Variants in ST3GAL2 observed in about 807,000 individuals in gnomAD.
The protein encoded by ST3GAL2 is CMP-N-acetylneuraminate-beta-galactosamide-alpha-2,3-sialyltransferase 2.
ST3GAL2 carries 16 observed loss-of-function variants against 37.5 expected under a neutral mutation model. That is an observed-to-expected ratio of 0.43 (90% CI 0.29 to 0.65). The LOEUF (loss-of-function observed/expected upper bound fraction) is 0.65, where lower values mean the gene tolerates loss of function less well. ST3GAL2 is among the 30% of genes least tolerant of loss of function. The pLI is 0.17. For missense variants in ST3GAL2, 383 were observed against 487.8 expected (o/e 0.79, Z 2.02); for synonymous variants, 238 against 202.9 (o/e 1.17, Z -1.47).
chr16:70,434,261 ACC>A (rs901060566), intron 1 of ST3GAL2, among the ~76,000 whole-genome samples: 11 of 151,874 alleles, frequency 7.2e-5, no homozygotes, highest in African/African-American at 2.2e-4. Context: ...ACATGGCAAA[ACC>A]CCGTCTCTAG....
At chr16:70,405,282 C>G (rs1312611990) in intron 1 of ST3GAL2, among the ~76,000 whole-genome samples, 1 of 152,170 alleles carries the variant, frequency 6.6e-6, no homozygotes, top group African/African-American at 2.4e-5. Flanking sequence ...TGGCTCACGC[C>G]TGTAATCCCA....
chr16:70,381,799 G>A lies in ST3GAL2; in HGVS notation c.943C>T (p.Arg315Trp), dbSNP rs772071973. The A allele has an allele frequency of 1.4e-5, 23 of 1,613,968 alleles. No homozygotes were observed. The highest frequency in any genetic ancestry group is 1.9e-5 in the Non-Finnish European group (22 of 1,179,970). The change falls in exon 7 of 7, where the codon CGG becomes TGG. Residue 315 changes from arginine (R) to tryptophan (W), a missense_variant. Arg to Trp is a moderately radical substitution (Grantham distance 101, BLOSUM62 -3). This residue lies in a region of ST3GAL2 where 160 missense variants were observed against 248.6 expected (regional missense o/e 0.64). Coordinates refer to ENST00000342907, the MANE Select transcript of ST3GAL2 (RefSeq NM_006927.4). ...GNWHHYWENNRYAGEFRKTGV... is the reference protein window; with the variant it reads ...GNWHHYWENNWYAGEFRKTGV... ...GTCTTCCGGAACTCGCCCGCGTACC[G>A]GTTGTTCTCCCAGTAGTGGTGCCAG...
Position 70,398,925 on chromosome 16 carries a change from T to G in ST3GAL2, c.-395A>C. On this transcript the variant is annotated 5_prime_UTR_variant, in exon 2 of 7. Transcript: ENST00000342907. ...TTTGGCGGCTTGAAATAATCCAGTCTGGAGCAGTCGGGGTCCTTGTGGTTC... is the reference window on the plus strand; with the variant it reads ...TTTGGCGGCTTGAAATAATCCAGTCGGGAGCAGTCGGGGTCCTTGTGGTTC... 2.2e-6 allele frequency: 1 copy of G among 455,588 alleles called. No homozygotes were observed. The allele number at this position is 455,588 out of a possible 1,614,324, so 28.2% of individuals were successfully genotyped here. A position where few individuals can be genotyped will look rare whatever the true frequency, so the allele number is the denominator to read the frequency against.
intron 2 of ST3GAL2, among the ~76,000 whole-genome samples, chr16:70,395,665 C>CA (rs1006011022): frequency 1.3e-5 from 2 of 152,216 alleles, no homozygotes; most frequent in Non-Finnish European, 2.9e-5. Context: ...TAAATTCTTT[C>CA]AGAGCCAGAA....
intron 1 of ST3GAL2, among the ~76,000 whole-genome samples, chr16:70,408,915 AAAAAAAAAAAAAGAAAG>A (rs1180440435): frequency 1.4e-5 from 2 of 145,808 alleles, no homozygotes; most frequent in African/African-American, 5.2e-5. Context: ...AAAAAAAAAA[AAAAAAAAAAAAAGAAAG>A]AAAAAATAAA....
At chr16:70,396,779 T>G (rs1391158941) in intron 2 of ST3GAL2, among the ~76,000 whole-genome samples, 1 of 151,998 alleles carries the variant, frequency 6.6e-6, no homozygotes, top group Non-Finnish European at 1.5e-5. Context: ...CTGACATGGC[T>G]CCACCCATGA....
chr16:70,381,974 G>A, intron 6 of ST3GAL2, 112 bp from the exon 7 acceptor site: 2 of 1,407,394 alleles, frequency 1.4e-6, no homozygotes, highest in African/African-American at 1.4e-5. Context: ...GGAGATGCAG[G>A]AGCCCCCAGG....
Position 70,398,209 on chromosome 16 carries a change from C to T in ST3GAL2, c.322G>A (p.Val108Ile), listed in dbSNP as rs2047530046. The change falls in exon 2 of 7, where the codon GTC (valine) becomes ATC (isoleucine). Residue 108 changes from valine (V) to isoleucine (I), a missense_variant. By Grantham distance (29) the Val-to-Ile change is conservative. Transcript: ENST00000342907. ...TRENMDLPPD[V>I]QRWWMMLQPQ... ...GCTCTTACCATCCACCACCTCTGGA[C>T]GTCCGGTGGAAGATCCATGTTCTCT... 4 of 1,612,960 alleles carry T rather than the reference C, an allele frequency of 2.5e-6. No homozygotes were observed. The highest frequency in any genetic ancestry group is 1.7e-4 in the Middle Eastern group (1 of 6,058).
chr16:70,431,091 G>A (rs189396251), intron 1 of ST3GAL2, among the ~76,000 whole-genome samples: 1,960 of 151,326 alleles, frequency 0.013, 51 homozygotes, highest in African/African-American at 0.045. Context: ...AGGAAGGAGG[G>A]GGCGTGGGGG....
At chr16:70,397,043 CTTTT>C (rs35885469) in intron 2 of ST3GAL2, among the ~76,000 whole-genome samples, 1 of 130,278 alleles carries the variant, frequency 7.7e-6, no homozygotes, top group African/African-American at 2.9e-5. Context: ...TCTTTTCTTT[CTTTT>C]TTTTTTTTTT....
intron 1 of ST3GAL2, among the ~76,000 whole-genome samples, chr16:70,433,899 G>C (rs924756377): frequency 5.9e-5 from 9 of 152,194 alleles, no homozygotes; most frequent in Admixed American, 5.2e-4. Flanking sequence ...CCTTGTGATA[G>C]CCTTTCTTTG....
chr16:70,383,637 G>GGGAAAGGAGAAA (rs200315505), intron 4 of ST3GAL2, among the ~76,000 whole-genome samples: 12,008 of 148,376 alleles, frequency 0.081, 1,721 homozygotes, highest in African/African-American at 0.29. Flanking sequence ...AGGAAAAGAA[G>GGGAAAGGAGAAA]GGAAAGGAGA....
chr16:70,428,207 A>T (rs542119769), intron 1 of ST3GAL2, among the ~76,000 whole-genome samples: 2 of 152,306 alleles, frequency 1.3e-5, no homozygotes, highest in South Asian at 4.1e-4. Context: ...CCCCTCCCCC[A>T]GTGCACAGCT....
intron 1 of ST3GAL2, among the ~76,000 whole-genome samples, chr16:70,418,243 CTG>C (rs1217780991): frequency 6.6e-6 from 1 of 152,206 alleles, no homozygotes; most frequent in Non-Finnish European, 1.5e-5. Context: ...TGGGTCCTCT[CTG>C]GAAACAATCA....
chr16:70,434,545 C>T (rs1169740978), intron 1 of ST3GAL2, among the ~76,000 whole-genome samples: 1 of 152,178 alleles, frequency 6.6e-6, no homozygotes, highest in African/African-American at 2.4e-5. Context: ...GGCTGTGCAT[C>T]AGAAAGACAT....
intron 1 of ST3GAL2, among the ~76,000 whole-genome samples, chr16:70,402,024 G>A (rs2047559392): frequency 6.8e-6 from 1 of 147,310 alleles, no homozygotes; most frequent in Admixed American, 6.8e-5. Context: ...AAAAGACCAG[G>A]CATGGTGGCT....
chr16:70,385,755 G>C (rs1597555144), intron 4 of ST3GAL2, among the ~76,000 whole-genome samples: 1 of 144,236 alleles, frequency 6.9e-6, no homozygotes, highest in Non-Finnish European at 1.5e-5. Flanking sequence ...CCAGGCTGGA[G>C]TGCAGTGGCG....
intron 1 of ST3GAL2, chr16:70,399,950 C>CT (rs1204185065): frequency 1.3e-5 from 2 of 152,530 alleles, no homozygotes; most frequent in East Asian, 3.9e-4. Context: ...GCAGAGGCCT[C>CT]TCCCAATCAG....
At chr16:70,425,644 G>A (rs138732945) in intron 1 of ST3GAL2, among the ~76,000 whole-genome samples, 2 of 152,190 alleles carry the variant, frequency 1.3e-5, no homozygotes, top group East Asian at 3.9e-4. Context: ...GCTTGAACCC[G>A]AGAGGTGGAA....
Sources: gnomAD v4.1 joint callset for allele counts (sites outside exome capture counted in the v4.1 genomes callset) on GRCh38, gnomAD v4.1.1 for gene constraint, gnomAD v4.1.1 regional missense constraint, MANE v1.5 for transcripts, NCBI Gene and HGNC (gene_info 2026-07-23, HGNC 2026-07-21) for gene names.